The following TMEM97 variants were observed in gnomAD, a reference collection of about 807,000 sequenced individuals.
The protein encoded by TMEM97 is transmembrane protein 97.
TMEM97 carries 13 observed loss-of-function variants against 18.3 expected under a neutral mutation model. That is an observed-to-expected ratio of 0.71 (90% CI 0.46 to 1.13). The LOEUF is 1.13. Among genes scored for constraint, TMEM97 ranks in the 50% most tolerant of loss-of-function variants. TMEM97 has a pLI of 0.00. For missense variants in TMEM97, 205 were observed against 210.5 expected (o/e 0.97, Z 0.16); for synonymous variants, 76 against 85.3 (o/e 0.89, Z 0.60).
rs782500870 is a variant in TMEM97 at position 28,328,626 on chromosome 17, C to A, written c.*1833C>A. ...GAGAGGCTTTTTTTTGTTTTGCCTT[C>A]CTACTATAAAAGCGAAATTTTCAGT... is the stretch of plus-strand genomic sequence containing the variant. On this transcript the variant is annotated 3_prime_UTR_variant, in exon 3 of 3. Transcript: ENST00000226230. The A allele has an allele frequency of 9.9e-6, 15 of 1,510,040 alleles. No homozygotes were observed. The South Asian group carries it at 1.7e-4, about 17-fold the overall frequency. 93.5% of individuals were successfully genotyped at this position (1,510,040 alleles called of 1,614,324 possible). A position where few individuals can be genotyped will look rare whatever the true frequency, so the allele number is the denominator to read the frequency against.
In TMEM97 at chr17:28,328,639, C is replaced by T. The variant is rs782200326; in HGVS notation, c.*1846C>T. 1.6e-5 allele frequency: 26 copies of T among 1,577,238 alleles called. No homozygotes were observed. The highest frequency in any genetic ancestry group is 2.3e-5 in the South Asian group (2 of 86,550). ...TTGTTTTGCCTTCCTACTATAAAAG[C>T]GAAATTTTCAGTTCATTTCTGAAAA... On this transcript the variant is annotated 3_prime_UTR_variant, in exon 3 of 3. Coordinates refer to ENST00000226230, the MANE Select transcript of TMEM97 (RefSeq NM_014573.3).
intron 1 of TMEM97, chr17:28,324,761 C>T (rs573113084): frequency 6.6e-6 from 1 of 152,148 alleles, no homozygotes; most frequent in Admixed American, 6.5e-5. Context: ...AGAACTGAGA[C>T]GCTAAAACCC....
At chr17:28,320,642 C>T (rs782523903) in intron 1 of TMEM97, among the ~76,000 whole-genome samples, 1 of 152,128 alleles carries the variant, frequency 6.6e-6, no homozygotes. Context: ...TTGTAGTTAC[C>T]ACAAATGTAG....
intron 1 of TMEM97, among the ~76,000 whole-genome samples, chr17:28,321,830 GTGTGTGTGTGTGTT>G (rs1489133003): frequency 1.3e-5 from 2 of 150,922 alleles, no homozygotes; most frequent in Non-Finnish European, 1.5e-5. Context: ...GTGTGTGTGT[GTGTGTGTGTGTGTT>G]TGTGTGAGAT....
At chr17:28,326,236 ATT>A (rs782500047) in intron 2 of TMEM97, among the ~76,000 whole-genome samples, 10 of 152,124 alleles carry the variant, frequency 6.6e-5, no homozygotes, top group Non-Finnish European at 1.2e-4. Context: ...TGGGGCAGGG[ATT>A]TCCCTCCCCT....
chr17:28,325,732 G>A lies in TMEM97; in HGVS notation c.271+85G>A, dbSNP rs1156819974. The A allele has an allele frequency of 3.8e-6, 6 of 1,566,996 alleles. No homozygotes were observed. In the Admixed American group the frequency reaches 1.0e-4, roughly 27 times the overall value. ...GGGAAAGTATCTCCAAAGGGAAGGG[G>A]ATGGTCCCCATAGTTTGTGGGAGAA... On this transcript the variant is annotated intron_variant, in intron 2 of 2. Transcript: ENST00000226230.
intron 1 of TMEM97, among the ~76,000 whole-genome samples, chr17:28,325,137 T>G (rs1378522852): frequency 6.6e-6 from 1 of 152,212 alleles, no homozygotes; most frequent in Admixed American, 6.5e-5. Flanking sequence ...AATGTCACAT[T>G]TGTTCATTCA....
rs1415487884 is a variant in TMEM97 at position 28,327,621 on chromosome 17, T to A, written c.*828T>A. On this transcript the variant is annotated 3_prime_UTR_variant, in exon 3 of 3. Coordinates refer to ENST00000226230, the MANE Select transcript of TMEM97 (RefSeq NM_014573.3). Reference sequence around the variant, plus strand: ...AATTCAAAACTATATCAATGTTTTCTTGTTCCCACCTCTAACCCAAGGAAA... The same window carrying A: ...AATTCAAAACTATATCAATGTTTTCATGTTCCCACCTCTAACCCAAGGAAA... 6.6e-6 allele frequency: 1 copy of A among 152,232 alleles called. No individual in the cohort carries two copies. Among genetic ancestry groups the A allele is most frequent in the African/African-American group, 2.4e-5 (1 of 41,460 alleles). 9.4% of individuals were successfully genotyped at this position (152,232 alleles called of 1,614,324 possible).
intron 1 of TMEM97, among the ~76,000 whole-genome samples, chr17:28,321,213 C>T (rs1403826215): frequency 6.6e-6 from 1 of 152,330 alleles, no homozygotes; most frequent in Middle Eastern, 3.4e-3. Context: ...AATACTCAGA[C>T]AGGCTGCCTG....
intron 1 of TMEM97, among the ~76,000 whole-genome samples, chr17:28,323,463 C>G (rs1906224278): frequency 6.6e-6 from 1 of 151,434 alleles, no homozygotes; most frequent in African/African-American, 2.4e-5. Context: ...TGGAGTCTCG[C>G]TCTGTCACCC....
intron 2 of TMEM97, chr17:28,325,897 GAC>G: frequency 1.9e-6 from 1 of 529,086 alleles, no homozygotes; most frequent in South Asian, 2.6e-5. Flanking sequence ...TGAAGCCTGA[GAC>G]CACTTAAACA....
intron 2 of TMEM97, 189 bp downstream of exon 2, chr17:28,325,836 C>A: frequency 2.6e-6 from 2 of 759,596 alleles, no homozygotes; most frequent in East Asian, 5.5e-5. Context: ...TGTCTGTGGT[C>A]AGCAGGCCTG....
chr17:28,321,436 A>C (rs143679838), intron 1 of TMEM97, among the ~76,000 whole-genome samples: 143 of 152,228 alleles, frequency 9.4e-4, no homozygotes, highest in African/African-American at 3.3e-3. Flanking sequence ...CATTTGATAA[A>C]ATTTTCTCAG....
In TMEM97 at chr17:28,325,871, A is replaced by G; in HGVS notation, c.271+224A>G. On this transcript the variant is annotated intron_variant, in intron 2 of 2. Transcript: ENST00000226230. ...GCACGGCTGCCTCAGTCGTCTGGAAATCCCTTGCATACACATGAAGCCTGA... is the reference window on the plus strand; with the variant it reads ...GCACGGCTGCCTCAGTCGTCTGGAAGTCCCTTGCATACACATGAAGCCTGA... 5.1e-6 allele frequency: 3 copies of G among 583,908 alleles called. No homozygotes were observed. The East Asian group carries it at 8.7e-5, about 17-fold the overall frequency. The allele number at this position is 583,908 out of a possible 1,614,324, so 36.2% of individuals were successfully genotyped here. A position where few individuals can be genotyped will look rare whatever the true frequency, so the allele number is the denominator to read the frequency against.
In TMEM97 at chr17:28,327,310, G is replaced by A. The variant is rs1285803888; in HGVS notation, c.*517G>A. ...CTAAGGGCACTGGGATGAACAGACC[G>A]ATCGGCTTGAGGGTGGGCAAAGGGG... On this transcript the variant is annotated 3_prime_UTR_variant, in exon 3 of 3. Transcript: ENST00000226230. 5 of 157,992 alleles carry A rather than the reference G, an allele frequency of 3.2e-5. No individual in the cohort carries two copies. Among genetic ancestry groups the A allele is most frequent in the South Asian group, 3.7e-4 (2 of 5,406 alleles). 9.8% of individuals were successfully genotyped at this position (157,992 alleles called of 1,614,324 possible).
intron 1 of TMEM97, among the ~76,000 whole-genome samples, chr17:28,321,904 T>C (rs907301793): frequency 4.0e-5 from 6 of 151,090 alleles, no homozygotes; most frequent in Non-Finnish European, 7.4e-5. Context: ...GTGTGTGTGA[T>C]GATGTTTGAA....
intron 1 of TMEM97, among the ~76,000 whole-genome samples, chr17:28,320,932 G>C (rs1237569627): frequency 2.0e-5 from 3 of 152,210 alleles, no homozygotes; most frequent in Non-Finnish European, 4.4e-5. Context: ...GGGCCCACCA[G>C]ATAACCCAGA....
At chr17:28,321,437 A>T (rs1336270633) in intron 1 of TMEM97, among the ~76,000 whole-genome samples, 1 of 151,958 alleles carries the variant, frequency 6.6e-6, no homozygotes, top group Non-Finnish European at 1.5e-5. Context: ...ATTTGATAAA[A>T]TTTTCTCAGT....
intron 1 of TMEM97, among the ~76,000 whole-genome samples, chr17:28,324,458 T>C (rs1906259764): frequency 6.6e-6 from 1 of 152,218 alleles, no homozygotes; most frequent in African/African-American, 2.4e-5. Flanking sequence ...ATTCTTGGAT[T>C]TTCCATTGTA....
Sources: allele counts gnomAD v4.1 joint callset (sites outside exome capture counted in the v4.1 genomes callset), GRCh38; gene constraint gnomAD v4.1.1; transcripts MANE v1.5; gene names NCBI Gene and HGNC (gene_info 2026-07-23, HGNC 2026-07-21).